Variants in MEGF11 observed in about 807,000 individuals in gnomAD.
MEGF11 encodes the protein multiple epidermal growth factor-like domains protein 11.
In MEGF11, 126 loss-of-function variants were observed where a neutral mutation model predicts 146.6. That is an observed-to-expected ratio of 0.86 (90% CI 0.74 to 1.00). The LOEUF is 1.00. MEGF11 is among the 50% of genes least tolerant of loss of function. The pLI, the probability that MEGF11 is intolerant of heterozygous loss-of-function variation, is 0.00. For synonymous variants in MEGF11, 532 were observed against 583.4 expected (o/e 0.91, Z 1.27); for missense variants, 1,509 against 1,521.2 (o/e 0.99, Z 0.13).
intron 5 of MEGF11, among the ~76,000 whole-genome samples, chr15:66,010,338 G>A (rs892385167): frequency 1.3e-5 from 2 of 151,862 alleles, no homozygotes; most frequent in Admixed American, 1.3e-4. Context: ...GATTACAGAT[G>A]TGCACCACCA....
chr15:65,918,483 A>G (rs143190322), intron 15 of MEGF11, among the ~76,000 whole-genome samples: 255 of 152,318 alleles, frequency 1.7e-3, no homozygotes, highest in African/African-American at 6.0e-3. Context: ...ACTTTCACCA[A>G]CATCACGGAT....
chr15:66,092,494 G>A (rs564988229), intron 5 of MEGF11, among the ~76,000 whole-genome samples: 7 of 152,320 alleles, frequency 4.6e-5, no homozygotes, highest in Non-Finnish European at 8.8e-5. Context: ...AATGGGAGGA[G>A]TTAAATCAGA....
At position 66,252,548 on chromosome 15, in the gene MEGF11, G is replaced by A. The variant is rs543833859; in HGVS notation, c.-9+1057C>T. On this transcript the variant is annotated intron_variant, in intron 1 of 25. Coordinates refer to ENST00000395614, the MANE Select transcript of MEGF11 (RefSeq NM_001385028.1). ...CCCGAGACGCGGCTGCCGCTGGATG[G>A]AGCCCGCGAGTCCAGGTCCGGGAGA... Among the ~76,000 whole-genome samples the A allele has an allele frequency of 4.6e-5, 7 of 152,270 alleles. No individual in the cohort carries two copies. In the East Asian group the frequency reaches 1.4e-3, roughly 30 times the overall value.
intron 7 of MEGF11, among the ~76,000 whole-genome samples, chr15:65,977,985 C>G (rs2081507511): frequency 6.6e-6 from 1 of 152,232 alleles, no homozygotes. Context: ...GCAAAGACCC[C>G]TCCTGAAACA....
rs894990000 is a variant in MEGF11 at position 65,896,942 on chromosome 15, T to C, written c.*992A>G. The C allele has an allele frequency of 2.6e-5, 4 of 152,222 alleles. No homozygotes were observed. The highest frequency in any genetic ancestry group is 9.6e-5 in the African/African-American group (4 of 41,462). The allele number at this position is 152,222 out of a possible 1,614,324, so 9.4% of individuals were successfully genotyped here. ...ATCCACATTTGTCCAATTTCCTGTA[T>C]ACTTTTAGGTTTCATACTACGTCAA... On this transcript the variant is annotated 3_prime_UTR_variant, in exon 26 of 26. Coordinates refer to ENST00000395614, the MANE Select transcript of MEGF11 (RefSeq NM_001385028.1).
intron 1 of MEGF11, among the ~76,000 whole-genome samples, chr15:66,249,701 G>T (rs28599978): frequency 0.17 from 26,087 of 152,064 alleles, 2,692 homozygotes; most frequent in Middle Eastern, 0.31. Context: ...CTACCACATT[G>T]ATTCTCAAAG....
At chr15:65,936,920 G>A (rs946735746) in intron 10 of MEGF11, among the ~76,000 whole-genome samples, 1 of 152,194 alleles carries the variant, frequency 6.6e-6, no homozygotes, top group African/African-American at 2.4e-5. Context: ...TGTGAGAAAG[G>A]AAAGCCAGGA....
At chr15:66,079,909 G>T (rs1402889872) in intron 5 of MEGF11, among the ~76,000 whole-genome samples, 1 of 152,140 alleles carries the variant, frequency 6.6e-6, no homozygotes, top group Non-Finnish European at 1.5e-5. Flanking sequence ...CTCCCACAAG[G>T]GCGGGGCTCC....
At chr15:66,189,524 C>T (rs1290355878) in intron 1 of MEGF11, among the ~76,000 whole-genome samples, 1 of 152,162 alleles carries the variant, frequency 6.6e-6, no homozygotes, top group Non-Finnish European at 1.5e-5. Flanking sequence ...GCCTGGAGCC[C>T]TGCAACCCTG....
At chr15:65,952,122 A>G (rs961408251) in intron 10 of MEGF11, among the ~76,000 whole-genome samples, 3 of 152,216 alleles carry the variant, frequency 2.0e-5, no homozygotes, top group Non-Finnish European at 4.4e-5. Context: ...TAGTACATAC[A>G]GAATTCAGTA....
At chr15:66,183,535 C>CAAAAAA (rs1491447055) in intron 1 of MEGF11, among the ~76,000 whole-genome samples, 4 of 99,488 alleles carry the variant, frequency 4.0e-5, no homozygotes, top group African/African-American at 1.6e-4. Flanking sequence ...ACCCCCCTGC[C>CAAAAAA]AAAAAGAAAA....
At chr15:65,992,450 T>TGTGTGGGG (rs776847440) in intron 5 of MEGF11, among the ~76,000 whole-genome samples, 15 of 126,628 alleles carry the variant, frequency 1.2e-4, no homozygotes, top group African/African-American at 4.6e-4. Context: ...TGTGTGTGTG[T>TGTGTGGGG]GGGGGGGGGG....
Position 65,964,957 on chromosome 15 carries a change from C to T in MEGF11, c.1063G>A (p.Gly355Ser), listed in dbSNP as rs868646603. 6.4e-7 allele frequency: 1 copy of T among 1,574,250 alleles called. No individual in the cohort carries two copies. Among genetic ancestry groups the T allele is most frequent in the Non-Finnish European group, 8.6e-7 (1 of 1,160,454 alleles). Residue 355 changes from glycine (G) to serine (S), a missense_variant, in exon 9 of 26, where the codon GGC (glycine) becomes AGC (serine). Gly to Ser is a moderately conservative substitution (Grantham distance 56). Coordinates refer to ENST00000395614, the MANE Select transcript of MEGF11 (RefSeq NM_001385028.1). ...QERLCPEGLH[G>S]PGCTLPCPCD... ...GGGCAGGGCAGGGTGCAGCCTGGGC[C>T]ATGCAGGCCCTCCGGGCACAGTCGC...
At chr15:66,240,020 C>T (rs1230143945) in intron 1 of MEGF11, among the ~76,000 whole-genome samples, 1 of 152,334 alleles carries the variant, frequency 6.6e-6, no homozygotes, top group Admixed American at 6.5e-5. Context: ...CCCGAAGTGG[C>T]GGCTGGCATT....
At chr15:65,978,456 C>A (rs550793568) in intron 7 of MEGF11, among the ~76,000 whole-genome samples, 1 of 152,206 alleles carries the variant, frequency 6.6e-6, no homozygotes, top group African/African-American at 2.4e-5. Context: ...AGGCTTCTAT[C>A]GACAGTTTCC....
At chr15:66,199,491 G>A (rs2091096544) in intron 1 of MEGF11, among the ~76,000 whole-genome samples, 10 of 152,106 alleles carry the variant, frequency 6.6e-5, no homozygotes, top group Admixed American at 6.6e-4. Context: ...CATCAACTGG[G>A]CCAGGACCCT....
At chr15:66,212,504 G>A (rs1407094804) in intron 1 of MEGF11, among the ~76,000 whole-genome samples, 2 of 152,208 alleles carry the variant, frequency 1.3e-5, no homozygotes, top group African/African-American at 4.8e-5. Flanking sequence ...CTCCTAGCAT[G>A]ACCAAACCCT....
intron 5 of MEGF11, among the ~76,000 whole-genome samples, chr15:66,061,747 C>T (rs191865773): frequency 8.6e-5 from 13 of 151,692 alleles, no homozygotes; most frequent in African/African-American, 1.9e-4. Flanking sequence ...AAAATCCTCC[C>T]GCTTTGGCCT....
chr15:66,007,084 C>T (rs1159855889), intron 5 of MEGF11, among the ~76,000 whole-genome samples: 2 of 152,228 alleles, frequency 1.3e-5, no homozygotes, highest in African/African-American at 2.4e-5. Flanking sequence ...CGCTGTTGAC[C>T]TGCCTGGGGC....
Sources: gnomAD v4.1 joint callset for allele counts (sites outside exome capture counted in the v4.1 genomes callset) on GRCh38, gnomAD v4.1.1 for gene constraint, MANE v1.5 for transcripts, NCBI Gene and HGNC (gene_info 2026-07-23, HGNC 2026-07-21) for gene names.